PPP1R16B: variants seen among roughly 807,000 people sequenced by gnomAD.
PPP1R16B encodes the protein protein phosphatase 1 regulatory inhibitor subunit 16B.
In PPP1R16B, 14 loss-of-function variants were observed where a neutral mutation model predicts 61.7. The observed-to-expected ratio is 0.23, with a 90% CI of 0.15 to 0.35. The LOEUF (loss-of-function observed/expected upper bound fraction) is 0.35, where lower values mean the gene tolerates loss of function less well. PPP1R16B is among the 10% of genes least tolerant of loss of function. The pLI, the probability that PPP1R16B is intolerant of heterozygous loss-of-function variation, is 1.00. For synonymous variants in PPP1R16B, 266 were observed against 305.3 expected, an observed-to-expected ratio of 0.87 and a Z score of 1.34; for missense variants, 547 against 752.5, an observed-to-expected ratio of 0.73 and a Z score of 3.19.
Position 38,806,470 on chromosome 20 carries a change from C to G in PPP1R16B, c.-102+678C>G, listed in dbSNP as rs2084662221. The stretch of plus-strand genomic sequence containing the variant: ...GGGCCCCGTGCGCCGGCGGCTGGGT[C>G]CCCCGCGCCAGGAGCGCTCCCCTCT... On this transcript the variant is annotated intron_variant, in intron 1 of 10. Transcript: ENST00000299824. The surrounding 1 kb of genome is among the most constrained non-coding windows in gnomAD (Gnocchi z 4.5). Among the ~76,000 whole-genome samples the G allele has an allele frequency of 6.6e-6, 1 of 152,090 alleles. No homozygotes were observed. The highest frequency in any genetic ancestry group is 6.5e-5 in the Admixed American group (1 of 15,284).
chr20:38,907,164 C>CTAGA lies in PPP1R16B; in HGVS notation c.898+120_898+123dup. 1 of 840,544 alleles carries CTAGA rather than the reference C, an allele frequency of 1.2e-6. No individual in the cohort carries two copies. The highest frequency in any genetic ancestry group is 2.0e-6 in the Non-Finnish European group (1 of 510,556). 52.1% of individuals were successfully genotyped at this position (840,544 alleles called of 1,614,324 possible). On this transcript the variant is annotated intron_variant, in intron 8 of 10. Coordinates refer to ENST00000299824, the MANE Select transcript of PPP1R16B (RefSeq NM_015568.4). The surrounding 1 kb of genome is among the most constrained non-coding windows in gnomAD (Gnocchi z 4.5). Reference sequence around the variant, plus strand: ...GTTGTATAGATTGATGGATTGGTGTCTAGATAGATAGATGGATTAATTAAT... The same window carrying CTAGA: ...GTTGTATAGATTGATGGATTGGTGTCTAGATAGATAGATAGATGGATTAATTAAT...
chr20:38,834,810 CTG>C (rs940458485), intron 1 of PPP1R16B, among the ~76,000 whole-genome samples: 2 of 151,924 alleles, frequency 1.3e-5, no homozygotes, highest in East Asian at 1.9e-4. Context: ...TTTTATTAGA[CTG>C]TTATAAAAGC....
intron 1 of PPP1R16B, among the ~76,000 whole-genome samples, chr20:38,819,761 G>T (rs567636399): frequency 6.6e-6 from 1 of 152,094 alleles, no homozygotes; most frequent in East Asian, 1.9e-4. Context: ...AGAATCTGTC[G>T]AGGTGGGACC....
Position 38,813,431 on chromosome 20 carries a change from G to C in PPP1R16B, c.-102+7639G>C, listed in dbSNP as rs1479780736. ...GTCTGTATTTTCTCAAAGTGTGCCA[G>C]GTGATTCTGATTCACAGCCAGACTG... On this transcript the variant is annotated intron_variant, in intron 1 of 10. Coordinates refer to ENST00000299824, the MANE Select transcript of PPP1R16B (RefSeq NM_015568.4). 1.3e-5 allele frequency among the ~76,000 whole-genome samples: 2 copies of C among 152,218 alleles called. 1 individual carries two copies. The highest frequency in any genetic ancestry group is 3.8e-4 in the East Asian group (2 of 5,198).
chr20:38,849,806 A>G (rs1303554435), intron 2 of PPP1R16B, among the ~76,000 whole-genome samples: 1 of 152,240 alleles, frequency 6.6e-6, no homozygotes, highest in African/African-American at 2.4e-5. Flanking sequence ...ATCATGAAAC[A>G]GAACATTACC....
intron 1 of PPP1R16B, among the ~76,000 whole-genome samples, chr20:38,817,816 G>A (rs1300871966): frequency 6.6e-6 from 1 of 152,130 alleles, no homozygotes; most frequent in African/African-American, 2.4e-5. Context: ...AGGCCGAGGC[G>A]GGCGGATCAC....
chr20:38,887,437 G>C (rs138052995), intron 2 of PPP1R16B, among the ~76,000 whole-genome samples: 262 of 152,304 alleles, frequency 1.7e-3, no homozygotes, highest in African/African-American at 6.1e-3. Flanking sequence ...GTATGCCATA[G>C]GAAGAGTTGT....
At chr20:38,834,316 C>T (rs1364738685) in intron 1 of PPP1R16B, among the ~76,000 whole-genome samples, 3 of 152,212 alleles carry the variant, frequency 2.0e-5, no homozygotes, top group Non-Finnish European at 2.9e-5. Flanking sequence ...CCAGCCCCAG[C>T]TCTTTTTATT....
intron 2 of PPP1R16B, among the ~76,000 whole-genome samples, chr20:38,878,897 G>A (rs1391073910): frequency 6.6e-6 from 1 of 152,220 alleles, no homozygotes. Flanking sequence ...AAGGAGAAGT[G>A]AGGTGAGAGA....
At chr20:38,837,457 C>T (rs1282331084) in intron 2 of PPP1R16B, among the ~76,000 whole-genome samples, 1 of 151,844 alleles carries the variant, frequency 6.6e-6, no homozygotes, top group Non-Finnish European at 1.5e-5. Flanking sequence ...GATATTTTCA[C>T]TCTGTAAAGT....
Position 38,918,421 on chromosome 20 carries a change from C to T in PPP1R16B, c.1459C>T (p.Arg487Trp), listed in dbSNP as rs755135419. ...PQTLLELKRQ[R>W]AAAKLLSHPF... ...GACGCTTCTGGAGCTGAAGCGGCAGCGGGCTGCAGCCAAGCTGCTCAGCCA... is the reference window on the plus strand; with the variant it reads ...GACGCTTCTGGAGCTGAAGCGGCAGTGGGCTGCAGCCAAGCTGCTCAGCCA... Residue 487 changes from arginine to tryptophan, a missense_variant, in exon 11 of 11, where the codon CGG becomes TGG. Transcript: ENST00000299824. The surrounding 1 kb of genome is among the most constrained non-coding windows in gnomAD (Gnocchi z 5.3). The T allele has an allele frequency of 1.2e-5, 20 of 1,614,072 alleles. No homozygotes were observed. Among genetic ancestry groups the T allele is most frequent in the South Asian group, 3.3e-5 (3 of 91,090 alleles).
chr20:38,902,539 C>A, intron 5 of PPP1R16B, 129 bp from the exon 6 acceptor site: 5 of 1,277,020 alleles, frequency 3.9e-6, no homozygotes, highest in Non-Finnish European at 5.5e-6. Flanking sequence ...GATCTATGGG[C>A]ATGTCTGCAT....
chr20:38,816,282 G>A (rs2084734893), intron 1 of PPP1R16B, among the ~76,000 whole-genome samples: 1 of 152,168 alleles, frequency 6.6e-6, no homozygotes, highest in Non-Finnish European at 1.5e-5. Context: ...AACCCGGGCA[G>A]ATCTGTACGT....
Position 38,835,876 on chromosome 20 carries a change from C to G in PPP1R16B, c.-50C>G. 2.7e-6 allele frequency: 4 copies of G among 1,483,230 alleles called. No homozygotes were observed. The highest frequency in any genetic ancestry group is 2.8e-5 in the African/African-American group (2 of 71,858). The allele number at this position is 1,483,230 out of a possible 1,614,324, so 91.9% of individuals were successfully genotyped here. A position where few individuals can be genotyped will look rare whatever the true frequency, so the allele number is the denominator to read the frequency against. On this transcript the variant is annotated 5_prime_UTR_variant, in exon 2 of 11. Coordinates refer to ENST00000299824, the MANE Select transcript of PPP1R16B (RefSeq NM_015568.4). ...CAGAGGCCCCGCGCTGCCCTGGCCC[C>G]CGGTGCACCGTGCTAGCCCCCAGCC...
At chr20:38,913,547 C>T (rs1366381718) in intron 10 of PPP1R16B, among the ~76,000 whole-genome samples, 1 of 152,240 alleles carries the variant, frequency 6.6e-6, no homozygotes, top group Non-Finnish European at 1.5e-5. Flanking sequence ...GGGCGTGAGC[C>T]ACCATGCCTG....
chr20:38,821,387 AG>A (rs34371061), intron 1 of PPP1R16B, among the ~76,000 whole-genome samples: 2 of 152,224 alleles, frequency 1.3e-5, no homozygotes, highest in Admixed American at 6.5e-5. Flanking sequence ...CTGGAAGCTA[AG>A]GGGGAAGCAC....
intron 2 of PPP1R16B, among the ~76,000 whole-genome samples, chr20:38,847,901 G>A (rs2084945098): frequency 6.6e-6 from 1 of 151,956 alleles, no homozygotes; most frequent in Non-Finnish European, 1.5e-5. Flanking sequence ...TTTTTATATT[G>A]TCAAACCTAA....
chr20:38,916,047 T>G (rs1006681804), intron 10 of PPP1R16B, among the ~76,000 whole-genome samples: 1 of 145,718 alleles, frequency 6.9e-6, no homozygotes, highest in Non-Finnish European at 1.5e-5. Flanking sequence ...TCAGTCTGCC[T>G]GCATAGTTCA....
At chr20:38,830,934 G>C (rs983254631) in intron 1 of PPP1R16B, among the ~76,000 whole-genome samples, 1 of 152,122 alleles carries the variant, frequency 6.6e-6, no homozygotes, top group Non-Finnish European at 1.5e-5. Flanking sequence ...GCATGTTTTT[G>C]GTACCTTCCA....
Sources: allele counts gnomAD v4.1 joint callset (sites outside exome capture counted in the v4.1 genomes callset), GRCh38; gene constraint gnomAD v4.1.1; non-coding constraint Gnocchi (gnomAD v3.1); transcripts MANE v1.5; gene names NCBI Gene and HGNC (gene_info 2026-07-23, HGNC 2026-07-21).